The following KLF12 variants were observed in gnomAD, a reference collection of about 807,000 sequenced individuals.
KLF12 encodes the protein KLF transcription factor 12.
Under a neutral mutation model 37.8 loss-of-function variants are expected in KLF12, and 9 were observed. The observed-to-expected ratio is 0.24, with a 90% confidence interval of 0.14 to 0.42. KLF12 has a LOEUF of 0.42. KLF12 is among the 10% of genes least tolerant of loss of function. The pLI, the probability that KLF12 is intolerant of heterozygous loss-of-function variation, is 1.00. For synonymous variants in KLF12, 208 were observed against 202.1 expected (o/e 1.03, Z -0.25); for missense variants, 411 against 516.0 (o/e 0.80, Z 1.97).
At chr13:73,871,760 T>C (rs527449074) in intron 3 of KLF12, among the ~76,000 whole-genome samples, 1 of 152,316 alleles carries the variant, frequency 6.6e-6, no homozygotes, top group Admixed American at 6.5e-5. Flanking sequence ...TGATGCTCAC[T>C]CTAGGCTGGT....
In KLF12 at chr13:73,846,295, C is replaced by G. The variant is rs767837826; in HGVS notation, c.202G>C (p.Asp68His). The G allele has an allele frequency of 6.2e-7, 1 of 1,614,034 alleles. No individual in the cohort carries two copies. The highest frequency in any genetic ancestry group is 2.2e-5 in the East Asian group (1 of 44,886). ...TGGAAGTGATCTACAGATAACGAGT[C>G]CTCCGGGGGCTCCCCTTTCACATTA... is the stretch of plus-strand genomic sequence containing the variant. Residue 68 changes from aspartate (D) to histidine (H), a missense_variant, in exon 4 of 8, where the codon GAC (aspartate) becomes CAC (histidine). Asp to His is a moderately conservative substitution (Grantham distance 81). Coordinates refer to ENST00000377669, the MANE Select transcript of KLF12 (RefSeq NM_007249.5).
the KLF12 span, among the ~76,000 whole-genome samples, chr13:74,206,180 AT>A: frequency 2.0e-5 from 3 of 152,046 alleles, no homozygotes; most frequent in African/African-American, 4.8e-5. Context: ...TTCATTACCC[AT>A]TCATTATAGG....
At chr13:74,162,615 G>A in the KLF12 span, among the ~76,000 whole-genome samples, 9 of 151,904 alleles carry the variant, frequency 5.9e-5, no homozygotes, top group South Asian at 4.2e-4. Flanking sequence ...TCTCTCCTTC[G>A]TTGCTCTCTT....
the KLF12 span, among the ~76,000 whole-genome samples, chr13:74,176,626 A>T: frequency 6.6e-6 from 1 of 152,034 alleles, no homozygotes; most frequent in African/African-American, 2.4e-5. Context: ...TATCCACTGC[A>T]CTGATTTTTT....
chr13:73,697,876 G>T (rs1874261153), intron 7 of KLF12, among the ~76,000 whole-genome samples: 1 of 152,308 alleles, frequency 6.6e-6, no homozygotes, highest in Admixed American at 6.5e-5. Flanking sequence ...AAACTGGCTG[G>T]GTGTGGTTGC....
the KLF12 span, among the ~76,000 whole-genome samples, chr13:74,207,537 A>G: frequency 6.6e-6 from 1 of 152,186 alleles, no homozygotes; most frequent in South Asian, 2.1e-4. Context: ...GTAGCTGGGT[A>G]TGATGGCAGA....
intron 6 of KLF12, among the ~76,000 whole-genome samples, chr13:73,752,391 C>T (rs1878824468): frequency 7.0e-6 from 1 of 143,276 alleles, no homozygotes; most frequent in South Asian, 2.2e-4. Flanking sequence ...CTGTTCTGTC[C>T]CTTAACATCA....
chr13:74,245,646 A>G, the KLF12 span, among the ~76,000 whole-genome samples: 1 of 152,148 alleles, frequency 6.6e-6, no homozygotes, highest in Non-Finnish European at 1.5e-5. Flanking sequence ...TCTGGCTGAG[A>G]GTTCTTACCA....
At chr13:74,238,293 C>T in the KLF12 span, among the ~76,000 whole-genome samples, 2 of 128,580 alleles carry the variant, frequency 1.6e-5, no homozygotes, top group South Asian at 4.8e-4. Context: ...ATGAAGCCCA[C>T]TTGATCATGG....
chr13:73,715,540 A>G lies in KLF12; in HGVS notation c.870-15T>C. 1 of 1,612,788 alleles carries G rather than the reference A, an allele frequency of 6.2e-7. No homozygotes were observed. Among genetic ancestry groups the G allele is most frequent in the South Asian group, 1.1e-5 (1 of 90,966 alleles). On this transcript the variant is annotated splice_polypyrimidine_tract_variant and intron_variant, in intron 6 of 7. Coordinates refer to ENST00000377669, the MANE Select transcript of KLF12 (RefSeq NM_007249.5). ...GTGAAATTGAACTGGAAAAAGAAAA[A>G]GTGGAGTTACACGGTGAGATGCACA...
At chr13:74,046,668 A>C (rs1468610251) in intron 1 of KLF12, among the ~76,000 whole-genome samples, 3 of 152,188 alleles carry the variant, frequency 2.0e-5, no homozygotes, top group Non-Finnish European at 2.9e-5. Context: ...TAAGATTATT[A>C]GTTTCTTAAC....
chr13:74,228,079 C>T, the KLF12 span, among the ~76,000 whole-genome samples: 9 of 152,006 alleles, frequency 5.9e-5, no homozygotes, highest in South Asian at 6.2e-4. Flanking sequence ...GTTATTTCTG[C>T]GAAAATACTT....
intron 1 of KLF12, among the ~76,000 whole-genome samples, chr13:74,082,349 T>C (rs2138765322): frequency 6.6e-6 from 1 of 152,206 alleles, no homozygotes. Context: ...TAGGAAAAAA[T>C]ATAAGTGAGC....
At chr13:74,200,890 T>C in the KLF12 span, among the ~76,000 whole-genome samples, 4 of 152,202 alleles carry the variant, frequency 2.6e-5, no homozygotes, top group African/African-American at 9.6e-5. Flanking sequence ...TGTCTATTAA[T>C]TTGGTTCCCT....
At chr13:73,983,250 A>T (rs1354656625) in intron 2 of KLF12, among the ~76,000 whole-genome samples, 1 of 152,124 alleles carries the variant, frequency 6.6e-6, no homozygotes, top group East Asian at 1.9e-4. Flanking sequence ...ACAGTCTAAG[A>T]CTTAACATGC....
chr13:73,937,735 T>G (rs1890013472), intron 3 of KLF12, among the ~76,000 whole-genome samples: 1 of 152,240 alleles, frequency 6.6e-6, no homozygotes, highest in South Asian at 2.1e-4. Flanking sequence ...CCTGCTATAT[T>G]TCCCTTGGGT....
chr13:73,929,053 G>C (rs1057045167), intron 3 of KLF12, among the ~76,000 whole-genome samples: 4 of 152,180 alleles, frequency 2.6e-5, no homozygotes, highest in Non-Finnish European at 5.9e-5. Flanking sequence ...GACTAAAAAT[G>C]AATGTGTTTG....
chr13:74,287,238 C>A, the KLF12 span, among the ~76,000 whole-genome samples: 1 of 152,032 alleles, frequency 6.6e-6, no homozygotes, highest in Non-Finnish European at 1.5e-5. Flanking sequence ...ATTGCTCATG[C>A]AGGTGACCTC....
chr13:73,928,888 A>C (rs2139271417), intron 3 of KLF12, among the ~76,000 whole-genome samples: 1 of 152,304 alleles, frequency 6.6e-6, no homozygotes, highest in Middle Eastern at 3.4e-3. Flanking sequence ...CAGATAATAT[A>C]AGTGCCCAAG....
Sources: gnomAD v4.1 joint callset for allele counts (sites outside exome capture counted in the v4.1 genomes callset) on GRCh38, gnomAD v4.1.1 for gene constraint, MANE v1.5 for transcripts, NCBI Gene and HGNC (gene_info 2026-07-23, HGNC 2026-07-21) for gene names.